Variants in FAM110B observed in about 807,000 individuals in gnomAD.
The protein encoded by FAM110B is family with sequence similarity 110 member B.
FAM110B carries 6 observed loss-of-function variants against 20.4 expected under a neutral mutation model. The observed-to-expected ratio is 0.29, with a 90% confidence interval of 0.16 to 0.58. The LOEUF (loss-of-function observed/expected upper bound fraction) is 0.58. Ranked by LOEUF, FAM110B falls within the 20% of genes least tolerant of loss-of-function variation. FAM110B has a pLI of 0.90. For synonymous variants in FAM110B, 226 were observed against 214.1 expected (o/e 1.06, Z -0.49); for missense variants, 434 against 498.2 (o/e 0.87, Z 1.23).
At chr8:58,093,924 T>C (rs1006113903) in intron 3 of FAM110B, among the ~76,000 whole-genome samples, 4 of 152,200 alleles carry the variant, frequency 2.6e-5, no homozygotes, top group African/African-American at 9.7e-5. Flanking sequence ...CTTATTTCCT[T>C]GAGCAATGGT....
intron 3 of FAM110B, among the ~76,000 whole-genome samples, chr8:58,079,529 C>T (rs1806134546): frequency 6.6e-6 from 1 of 152,090 alleles, no homozygotes; most frequent in Non-Finnish European, 1.5e-5. Flanking sequence ...GTAATCGCAG[C>T]ACTTTTGGAG....
At chr8:58,109,985 G>A (rs1349808865) in intron 3 of FAM110B, among the ~76,000 whole-genome samples, 1 of 152,202 alleles carries the variant, frequency 6.6e-6, no homozygotes, top group African/African-American at 2.4e-5. Flanking sequence ...TGTTTACTGT[G>A]ATGATTCTTC....
intron 3 of FAM110B, among the ~76,000 whole-genome samples, chr8:58,120,331 T>G (rs932665341): frequency 1.2e-4 from 18 of 152,220 alleles, no homozygotes; most frequent in Non-Finnish European, 2.4e-4. Flanking sequence ...TTCATCTTCC[T>G]GATCTAGCCC....
chr8:58,070,187 T>G (rs1423398840), intron 2 of FAM110B: 1 of 152,278 alleles, frequency 6.6e-6, no homozygotes, highest in Non-Finnish European at 1.5e-5. Flanking sequence ...TGTGATAGGT[T>G]TCCACAGTAA....
At chr8:58,043,857 C>T (rs1805267454) in intron 2 of FAM110B, among the ~76,000 whole-genome samples, 2 of 152,184 alleles carry the variant, frequency 1.3e-5, no homozygotes, top group African/African-American at 4.8e-5. Context: ...AGATGAAATA[C>T]TTTGATTAGG....
At chr8:58,032,522 GTATTA>G (rs1383701841) in intron 2 of FAM110B, 6 of 152,156 alleles carry the variant, frequency 3.9e-5, no homozygotes, top group Admixed American at 1.3e-4. Flanking sequence ...TGTTCAGTCT[GTATTA>G]AATGCCTTAA....
intron 1 of FAM110B, among the ~76,000 whole-genome samples, chr8:58,004,124 C>T (rs2150562989): frequency 6.6e-6 from 1 of 152,288 alleles, no homozygotes; most frequent in South Asian, 2.1e-4. Flanking sequence ...CAACCCAGAT[C>T]CCTTGCATGC....
At chr8:58,107,890 T>C (rs548474949) in intron 3 of FAM110B, among the ~76,000 whole-genome samples, 1 of 152,348 alleles carries the variant, frequency 6.6e-6, no homozygotes, top group South Asian at 2.1e-4. Context: ...CTTTTAAATA[T>C]TGGTTTCATC....
chr8:57,998,431 T>G (rs1401937150), intron 1 of FAM110B, among the ~76,000 whole-genome samples: 2 of 152,240 alleles, frequency 1.3e-5, no homozygotes, highest in Non-Finnish European at 2.9e-5. Context: ...TTTGATCACT[T>G]AAGTACATCA....
intron 3 of FAM110B, among the ~76,000 whole-genome samples, chr8:58,134,906 C>T (rs1448499650): frequency 2.0e-5 from 3 of 152,104 alleles, no homozygotes; most frequent in African/African-American, 7.2e-5. Context: ...TCGTCCTTCA[C>T]CCTCTGGAGG....
intron 1 of FAM110B, among the ~76,000 whole-genome samples, chr8:57,997,244 GC>G (rs1166013895): frequency 1.3e-5 from 2 of 152,042 alleles, no homozygotes; most frequent in Non-Finnish European, 2.9e-5. Flanking sequence ...ATTGTTTGCT[GC>G]CCCCCAAAAC....
chr8:58,028,970 G>A (rs1804912916), intron 1 of FAM110B, among the ~76,000 whole-genome samples: 1 of 152,154 alleles, frequency 6.6e-6, no homozygotes, highest in South Asian at 2.1e-4. Context: ...CTTCCTTGGT[G>A]ACCTCCATCA....
intron 2 of FAM110B, among the ~76,000 whole-genome samples, chr8:58,058,882 C>T (rs571848328): frequency 4.6e-5 from 7 of 152,230 alleles, no homozygotes; most frequent in African/African-American, 1.7e-4. Flanking sequence ...CAAATATATA[C>T]ACTCAGGTAA....
At chr8:58,005,972 C>A (rs117909188) in intron 1 of FAM110B, among the ~76,000 whole-genome samples, 1 of 151,988 alleles carries the variant, frequency 6.6e-6, no homozygotes, top group South Asian at 2.1e-4. Flanking sequence ...GAACAGGGCT[C>A]TTTATCATTT....
rs528134394 is a variant in FAM110B, at chr8:58,147,052, G to A, written c.822G>A (p.Val274=). The A allele has an allele frequency of 3.1e-6, 5 of 1,614,228 alleles. No homozygotes were observed. In the South Asian group the frequency reaches 4.4e-5, roughly 14 times the overall value. ...SDRYFRVDAD[V]ERFFNYCGLD... is the part of the protein sequence containing the mutation. ...GATATTTCCGAGTGGACGCGGACGT[G>A]GAGAGGTTCTTCAACTACTGTGGAC... The change falls in exon 4 of 4, where the codon GTG becomes GTA. Residue 274 remains valine, a synonymous_variant. Coordinates refer to ENST00000519262, the MANE Select transcript of FAM110B (RefSeq NM_001377989.1).
chr8:58,032,494 C>A (rs887104627), intron 2 of FAM110B: 1 of 152,170 alleles, frequency 6.6e-6, no homozygotes, highest in Non-Finnish European at 1.5e-5. Context: ...TTTCTCCATG[C>A]ACATACTAAT....
At chr8:58,109,685 G>A (rs375114738) in intron 3 of FAM110B, among the ~76,000 whole-genome samples, 2 of 152,134 alleles carry the variant, frequency 1.3e-5, no homozygotes, top group South Asian at 2.1e-4. Context: ...TCCTGGACAG[G>A]CCAAAGTGCC....
chr8:58,115,884 G>A (rs943746566), intron 3 of FAM110B, among the ~76,000 whole-genome samples: 4 of 152,196 alleles, frequency 2.6e-5, no homozygotes, highest in African/African-American at 9.7e-5. Flanking sequence ...GCATAGTGAT[G>A]ATAATCTGGG....
intron 3 of FAM110B, among the ~76,000 whole-genome samples, chr8:58,082,967 C>G (rs1806237663): frequency 1.3e-5 from 2 of 150,392 alleles, no homozygotes; most frequent in South Asian, 4.2e-4. Context: ...TATGATCATG[C>G]CACTGTGCTC....
Sources: allele counts gnomAD v4.1 joint callset (sites outside exome capture counted in the v4.1 genomes callset), GRCh38; gene constraint gnomAD v4.1.1; transcripts MANE v1.5; gene names NCBI Gene and HGNC (gene_info 2026-07-23, HGNC 2026-07-21).